CCDC171: variants seen among roughly 807,000 people sequenced by gnomAD.
The protein encoded by CCDC171 is coiled-coil domain containing 171, also known as coiled-coil domain-containing protein 171.
A neutral mutation model predicts 168.2 loss-of-function variants in CCDC171; 177 were observed. The observed-to-expected ratio is 1.05, with a 90% CI of 0.93 to 1.19. The LOEUF is 1.19. Among genes scored for constraint, CCDC171 ranks in the 50% most tolerant of loss-of-function variants. CCDC171 has a pLI of 0.00. For synonymous variants in CCDC171, 687 were observed against 540.8 expected, an observed-to-expected ratio of 1.27 and a Z score of -3.75; for missense variants, 1,991 against 1,539.0, an observed-to-expected ratio of 1.29 and a Z score of -4.91.
chr9:15,889,803 A>G (rs192255946), intron 24 of CCDC171, among the ~76,000 whole-genome samples: 34 of 152,292 alleles, frequency 2.2e-4, no homozygotes, highest in Admixed American at 2.0e-3. Context: ...TTTTTGAAGG[A>G]TCTGGAGAAG....
At chr9:15,704,193 GTATT>G (rs1055672268) in intron 11 of CCDC171, among the ~76,000 whole-genome samples, 8 of 114,176 alleles carry the variant, frequency 7.0e-5, no homozygotes, top group Non-Finnish European at 1.5e-4. Context: ...ACATTTGTGT[GTATT>G]TGTTTGTAGC....
At chr9:15,898,764 A>G (rs1821242329) in intron 24 of CCDC171, among the ~76,000 whole-genome samples, 1 of 152,142 alleles carries the variant, frequency 6.6e-6, no homozygotes, top group African/African-American at 2.4e-5. Flanking sequence ...GTCCCTGTGT[A>G]CGCTTTATCC....
At chr9:15,588,993 AGCCACCGCACCCAGCC>A (rs762974346) in intron 4 of CCDC171, among the ~76,000 whole-genome samples, 105 of 151,122 alleles carry the variant, frequency 6.9e-4, no homozygotes, top group Non-Finnish European at 1.2e-3. Flanking sequence ...TACAGGCGTG[AGCCACCGCACCCAGCC>A]GTGTTTTTTT....
chr9:15,881,282 A>C (rs1323774882), intron 24 of CCDC171, among the ~76,000 whole-genome samples: 1 of 152,176 alleles, frequency 6.6e-6, no homozygotes, highest in Non-Finnish European at 1.5e-5. Context: ...CAAGAAATGA[A>C]ATACTAAGGT....
intron 4 of CCDC171, among the ~76,000 whole-genome samples, chr9:15,583,313 G>T (rs2041282395): frequency 6.6e-6 from 1 of 151,554 alleles, no homozygotes; most frequent in Admixed American, 6.6e-5. Context: ...TACTTGGGAG[G>T]CTGAGGCAGA....
At chr9:16,096,410 A>T in the CCDC171 span, among the ~76,000 whole-genome samples, 1 of 152,204 alleles carries the variant, frequency 6.6e-6, no homozygotes, top group Non-Finnish European at 1.5e-5. Flanking sequence ...GTCCAGACCC[A>T]AAAGAGGATT....
rs77576371 is a variant in CCDC171 at position 15,605,285 on chromosome 9, C to T, written c.675+11113C>T. On this transcript the variant is annotated intron_variant, in intron 6 of 25. Transcript: ENST00000380701. ...GAAGTTTACCTTAAATAATCAAGGG[C>T]AGCAAGGAGCATTTCTTTTCTTCTG... Among the ~76,000 whole-genome samples the T allele has an allele frequency of 1.3e-3, 203 of 152,068 alleles. 1 individual carries two copies. The highest frequency in any genetic ancestry group is 4.8e-3 in the African/African-American group (198 of 41,476).
At chr9:15,693,023 G>C (rs1203253172) in intron 10 of CCDC171, among the ~76,000 whole-genome samples, 5 of 151,992 alleles carry the variant, frequency 3.3e-5, no homozygotes, top group Non-Finnish European at 7.4e-5. Flanking sequence ...TGTACTCCCA[G>C]CTACTTGGGA....
chr9:15,558,183 A>G (rs1405136401), intron 1 of CCDC171, among the ~76,000 whole-genome samples: 3 of 151,100 alleles, frequency 2.0e-5, no homozygotes, highest in African/African-American at 7.3e-5. Flanking sequence ...CATCAGGGAT[A>G]TTGGCTAAAA....
At chr9:15,672,280 T>A (rs983215169) in intron 9 of CCDC171, among the ~76,000 whole-genome samples, 1 of 152,166 alleles carries the variant, frequency 6.6e-6, no homozygotes, top group Non-Finnish European at 1.5e-5. Context: ...ATTGCAAAAA[T>A]TTTCTCCCAT....
At position 15,880,455 on chromosome 9, in the gene CCDC171, C is replaced by G. The variant is rs989613978; in HGVS notation, c.3600+5792C>G. On this transcript the variant is annotated intron_variant, in intron 24 of 25. Transcript: ENST00000380701. ...ACATATCTGTCACTTCCAATTCTCT[C>G]TCTCTCTCTTTTTTTTTTTTTGAGA... Among the ~76,000 whole-genome samples the G allele has an allele frequency of 1.1e-4, 9 of 79,234 alleles. No homozygotes were observed. In the South Asian group the frequency reaches 1.4e-3, roughly 12 times the overall value. The allele number at this position is 79,234 out of a possible 152,430, so 52.0% of individuals were successfully genotyped here.
intron 21 of CCDC171, among the ~76,000 whole-genome samples, chr9:15,826,133 T>A (rs1298779897): frequency 6.6e-6 from 1 of 152,108 alleles, no homozygotes; most frequent in Non-Finnish European, 1.5e-5. Context: ...TAGTAATATT[T>A]TAATTTCTAA....
intron 6 of CCDC171, among the ~76,000 whole-genome samples, chr9:16,031,955 T>G (rs1833370767): frequency 1.3e-5 from 2 of 152,302 alleles, no homozygotes; most frequent in Non-Finnish European, 2.9e-5. Flanking sequence ...CACTGCTTGC[T>G]CTTCAGCAGG....
At chr9:15,679,608 GGTGCAACCCTAGCTCAC>G (rs1440417808) in intron 10 of CCDC171, among the ~76,000 whole-genome samples, 1 of 152,132 alleles carries the variant, frequency 6.6e-6, no homozygotes, top group Non-Finnish European at 1.5e-5. Context: ...AGAGTGCAGT[GGTGCAACCCTAGCTCAC>G]TGAAATCTGC....
At chr9:15,801,833 G>T (rs753216029) in intron 21 of CCDC171, among the ~76,000 whole-genome samples, 35 of 151,968 alleles carry the variant, frequency 2.3e-4, no homozygotes, top group Non-Finnish European at 3.5e-4. Flanking sequence ...ATCATGAAGG[G>T]ATGTTGAATT....
chr9:16,105,553 G>C, the CCDC171 span, among the ~76,000 whole-genome samples: 1 of 152,172 alleles, frequency 6.6e-6, no homozygotes, highest in South Asian at 2.1e-4. Flanking sequence ...ACTAGCCTTG[G>C]ATGGATTTAC....
At chr9:15,962,916 T>C (rs976856322) in intron 25 of CCDC171, among the ~76,000 whole-genome samples, 8 of 151,524 alleles carry the variant, frequency 5.3e-5, no homozygotes, top group African/African-American at 7.3e-5. Flanking sequence ...TATATATATA[T>C]ACACATAAAC....
At chr9:16,046,185 C>A (rs1243542736) in intron 1 of CCDC171, among the ~76,000 whole-genome samples, 3 of 152,118 alleles carry the variant, frequency 2.0e-5, no homozygotes, top group Non-Finnish European at 4.4e-5. Flanking sequence ...GGGCAGAATG[C>A]TTTAGAAAGA....
intron 21 of CCDC171, among the ~76,000 whole-genome samples, chr9:15,822,546 A>G (rs921908492): frequency 7.2e-5 from 11 of 152,240 alleles, no homozygotes; most frequent in Non-Finnish European, 1.2e-4. Context: ...ACACTTCTCA[A>G]AAGAAGACAT....
Sources: allele counts gnomAD v4.1 joint callset (sites outside exome capture counted in the v4.1 genomes callset), GRCh38; gene constraint gnomAD v4.1.1; transcripts MANE v1.5; gene names NCBI Gene and HGNC (gene_info 2026-07-23, HGNC 2026-07-21).